The following ANKHD1 variants were observed in gnomAD, a reference collection of about 807,000 sequenced individuals.
The protein encoded by ANKHD1 is ankyrin repeat and KH domain-containing protein 1.
ANKHD1 carries 31 observed loss-of-function variants against 230.5 expected under a neutral mutation model. That is an observed-to-expected ratio of 0.13 (90% confidence interval 0.10 to 0.18). The LOEUF (loss-of-function observed/expected upper bound fraction) is 0.18, where lower values mean the gene tolerates loss of function less well. Ranked by LOEUF, ANKHD1 falls within the 10% of genes least tolerant of loss-of-function variation. ANKHD1 has a pLI of 1.00. For missense variants in ANKHD1, 2,256 were observed against 3,071.3 expected (o/e 0.73, Z 6.27); for synonymous variants, 1,074 against 1,117.6 (o/e 0.96, Z 0.78).
At chr5:140,435,433 A>G (rs1773364128) in intron 1 of ANKHD1, among the ~76,000 whole-genome samples, 1 of 151,288 alleles carries the variant, frequency 6.6e-6, no homozygotes, top group South Asian at 2.1e-4. Context: ...GCTAGAGTAC[A>G]ATGGCACGAT....
In ANKHD1 at chr5:140,539,378, C is replaced by T. The variant is rs1422823941; in HGVS notation, c.7589C>T (p.Ala2530Val). 2 of 1,613,850 alleles carry T rather than the reference C, an allele frequency of 1.2e-6. No individual in the cohort carries two copies. Among genetic ancestry groups the T allele is most frequent in the South Asian group, 1.1e-5 (1 of 91,066 alleles). ...TTTCAGATTTGGCCTGGCACGTGGG[C>T]ACCTCATATTGGAAACATGCATCTC... ...DAQQIWPGTWAPHIGNMHLKY... is the reference protein window; with the variant it reads ...DAQQIWPGTWVPHIGNMHLKY... The change falls in exon 34 of 34, where the codon GCA (alanine) becomes GTA (valine). Residue 2530 changes from alanine (A) to valine (V), a missense_variant. Ala to Val is a moderately conservative substitution (Grantham distance 64). This residue lies in a region of ANKHD1 where 778 missense variants were observed against 966.5 expected (regional missense o/e 0.80). Coordinates refer to ENST00000360839, the MANE Select transcript of ANKHD1 (RefSeq NM_017747.3).
intron 14 of ANKHD1, among the ~76,000 whole-genome samples, chr5:140,487,924 T>C (rs1252432102): frequency 3.3e-5 from 5 of 152,200 alleles, no homozygotes; most frequent in Admixed American, 1.3e-4. Flanking sequence ...TTGACTGTTA[T>C]AGCAGCAAAC....
intron 29 of ANKHD1, 55 bp from the exon 30 acceptor site, chr5:140,535,307 G>T: frequency 1.3e-6 from 2 of 1,502,464 alleles, no homozygotes; most frequent in Non-Finnish European, 1.8e-6. Context: ...GTCTTCTTGG[G>T]CTTTCAATTT....
At chr5:140,470,385 C>CT (rs1047086841) in intron 10 of ANKHD1, among the ~76,000 whole-genome samples, 3 of 146,402 alleles carry the variant, frequency 2.0e-5, no homozygotes, top group African/African-American at 5.0e-5. Context: ...GTGATATTTT[C>CT]TTTTTTTTAA....
chr5:140,411,164 A>G (rs1770891457), intron 1 of ANKHD1, among the ~76,000 whole-genome samples: 2 of 152,132 alleles, frequency 1.3e-5, no homozygotes, highest in Non-Finnish European at 2.9e-5. Flanking sequence ...ACTTTTTTCT[A>G]TTTTGACAAA....
intron 10 of ANKHD1, among the ~76,000 whole-genome samples, chr5:140,465,788 C>A (rs1482912108): frequency 2.0e-5 from 3 of 151,978 alleles, no homozygotes; most frequent in Non-Finnish European, 4.4e-5. Context: ...TAGGACCTTC[C>A]CTATCAGTTA....
chr5:140,457,181 G>A (rs1338960411), intron 7 of ANKHD1, among the ~76,000 whole-genome samples: 8 of 151,990 alleles, frequency 5.3e-5, no homozygotes, highest in East Asian at 1.9e-4. Context: ...TTAGAATGGC[G>A]ATCATTAAAA....
intron 29 of ANKHD1, 83 bp from the exon 30 acceptor site, chr5:140,535,279 T>C: frequency 6.7e-7 from 1 of 1,495,554 alleles, no homozygotes; most frequent in Non-Finnish European, 8.9e-7. Flanking sequence ...TTTTACAGCT[T>C]ATCTCACTTT....
intron 1 of ANKHD1, among the ~76,000 whole-genome samples, chr5:140,432,530 C>T (rs1304343159): frequency 1.3e-5 from 2 of 152,048 alleles, no homozygotes; most frequent in Admixed American, 6.6e-5. Context: ...CAGGTATGAA[C>T]GTTTGTGTTT....
At chr5:140,480,167 T>A (rs961214230) in intron 10 of ANKHD1, among the ~76,000 whole-genome samples, 4 of 152,016 alleles carry the variant, frequency 2.6e-5, no homozygotes, top group Admixed American at 6.6e-5. Flanking sequence ...TGTGGCATTG[T>A]TTTATCAACT....
chr5:140,410,727 A>G (rs1213907760), intron 1 of ANKHD1, among the ~76,000 whole-genome samples: 1 of 152,116 alleles, frequency 6.6e-6, no homozygotes, highest in African/African-American at 2.4e-5. Context: ...TGATAATCCT[A>G]TCTCATCTCA....
At chr5:140,440,944 T>C in intron 4 of ANKHD1, 51 bp from the exon 5 acceptor site, 1 of 1,483,806 alleles carries the variant, frequency 6.7e-7, no homozygotes, top group Non-Finnish European at 8.9e-7. Flanking sequence ...CTAGAAATAC[T>C]ATTGAATAGT....
At chr5:140,420,481 C>T (rs6894953) in intron 1 of ANKHD1, among the ~76,000 whole-genome samples, 101,200 of 151,992 alleles carry the variant, frequency 0.67, 34,142 homozygotes, top group East Asian at 0.84. Context: ...ATTTAGGTCT[C>T]TGATCCAATT....
At position 140,528,038 on chromosome 5, in the gene ANKHD1, G is replaced by GTA; in HGVS notation, c.5237+19_5237+20dup. On this transcript the variant is annotated intron_variant, in intron 28 of 33. Transcript: ENST00000360839. ...TCACAATAAGGTAATTGTGCAAAAT[G>GTA]TATACTGCTAGTTCTGAGTAGAAAT... is the stretch of plus-strand genomic sequence containing the variant. 3 of 1,612,226 alleles carry GTA rather than the reference G, an allele frequency of 1.9e-6. No individual in the cohort carries two copies.
chr5:140,422,684 C>T (rs1014055307), intron 1 of ANKHD1, among the ~76,000 whole-genome samples: 2 of 150,806 alleles, frequency 1.3e-5, no homozygotes, highest in African/African-American at 4.9e-5. Flanking sequence ...GTGGTACGCA[C>T]CTGTAATCCC....
At chr5:140,444,591 T>G (rs1774130978) in intron 5 of ANKHD1, among the ~76,000 whole-genome samples, 1 of 152,172 alleles carries the variant, frequency 6.6e-6, no homozygotes, top group South Asian at 2.1e-4. Context: ...TTTCTGCCTT[T>G]AGGAATCCTA....
Position 140,529,463 on chromosome 5 carries a change from C to T in ANKHD1, c.6517C>T (p.Pro2173Ser), listed in dbSNP as rs545838192. Residue 2173 changes from proline to serine, a missense_variant, in exon 29 of 34, where the codon CCA becomes TCA. By Grantham distance (74) the Pro-to-Ser change is moderately conservative. Around this residue, in one of 13 missense-constraint regions of ANKHD1, gnomAD observed 778 missense variants for 966.5 expected, o/e 0.80. Coordinates refer to ENST00000360839, the MANE Select transcript of ANKHD1 (RefSeq NM_017747.3). ...NPVTLTPPQGPPAAVQLSSAV... is the reference protein window; with the variant it reads ...NPVTLTPPQGSPAAVQLSSAV... ...AGTTACTTTAACACCACCTCAAGGC[C>T]CACCAGCTGCAGTGCAGCTTTCTTC... The T allele has an allele frequency of 6.2e-7, 1 of 1,614,170 alleles. No homozygotes were observed. The highest frequency in any genetic ancestry group is 1.3e-5 in the African/African-American group (1 of 75,044).
At chr5:140,521,375 C>A (rs1057335441) in intron 24 of ANKHD1, among the ~76,000 whole-genome samples, 1 of 152,194 alleles carries the variant, frequency 6.6e-6, no homozygotes, top group Non-Finnish European at 1.5e-5. Context: ...TGGCTCATGC[C>A]TGTAATCCCA....
Position 140,458,675 on chromosome 5 carries a change from G to A in ANKHD1, c.1293G>A (p.Val431=). The A allele has an allele frequency of 6.2e-7, 1 of 1,612,232 alleles. No homozygotes were observed. The highest frequency in any genetic ancestry group is 1.3e-5 in the African/African-American group (1 of 74,936). Residue 431 remains valine (V), a synonymous_variant, in exon 8 of 34, where the codon GTG becomes GTA. Coordinates refer to ENST00000360839, the MANE Select transcript of ANKHD1 (RefSeq NM_017747.3). ...TGCTTTTGGATAGTGGTGCTCAAGT[G>A]AACATGCCTGCAGATTCATTTGAAT... ...ARLLLDSGAQ[V]NMPADSFESP...
Sources: gnomAD v4.1 joint callset for allele counts (sites outside exome capture counted in the v4.1 genomes callset) on GRCh38, gnomAD v4.1.1 for gene constraint, gnomAD v4.1.1 regional missense constraint, MANE v1.5 for transcripts, NCBI Gene and HGNC (gene_info 2026-07-23, HGNC 2026-07-21) for gene names.